Variants in BTAF1 observed in about 807,000 individuals in gnomAD.
BTAF1 encodes B-TFIID TATA-box binding protein associated factor 1.
BTAF1 carries 38 observed loss-of-function variants against 227.1 expected under a neutral mutation model. The observed-to-expected ratio is 0.17, with a 90% confidence interval of 0.13 to 0.22. The LOEUF (loss-of-function observed/expected upper bound fraction) is 0.22, where lower values mean the gene tolerates loss of function less well. Among genes scored for constraint, BTAF1 ranks in the 10% least tolerant of loss-of-function variants. The pLI, the probability that BTAF1 is intolerant of heterozygous loss-of-function variation, is 1.00. For synonymous variants in BTAF1, 742 were observed against 751.9 expected (o/e 0.99, Z 0.21); for missense variants, 1,598 against 2,204.0 (o/e 0.73, Z 5.51).
chr10:92,013,856 T>G, intron 31 of BTAF1, 43 bp from the exon 32 acceptor site: 1 of 1,612,800 alleles, frequency 6.2e-7, no homozygotes, highest in Non-Finnish European at 8.5e-7. Context: ...ATATAATTTA[T>G]TCTTAACTTT....
chr10:91,960,197 C>G (rs779996775), intron 11 of BTAF1, 43 bp downstream of exon 11: 1 of 1,583,058 alleles, frequency 6.3e-7, no homozygotes, highest in South Asian at 1.1e-5. Flanking sequence ...AGAGTTTTTT[C>G]CCCCTTATAG....
chr10:91,925,902 G>C (rs997702987), intron 1 of BTAF1, among the ~76,000 whole-genome samples: 3 of 152,152 alleles, frequency 2.0e-5, no homozygotes, highest in Non-Finnish European at 4.4e-5. Flanking sequence ...TGGATGTTGT[G>C]TTTCAAAGAG....
chr10:91,948,866 C>T (rs1019578792), intron 4 of BTAF1, among the ~76,000 whole-genome samples: 2 of 152,136 alleles, frequency 1.3e-5, no homozygotes, highest in African/African-American at 4.8e-5. Flanking sequence ...CTGCCTCGGC[C>T]TCCCAGACGG....
At chr10:92,010,143 T>C (rs995222802) in intron 28 of BTAF1, among the ~76,000 whole-genome samples, 5 of 152,164 alleles carry the variant, frequency 3.3e-5, no homozygotes, top group Non-Finnish European at 7.3e-5. Context: ...ACAGTCACTT[T>C]ATGAGGTAGG....
intron 1 of BTAF1, among the ~76,000 whole-genome samples, chr10:91,927,642 A>G (rs574167866): frequency 2.6e-5 from 4 of 152,248 alleles, no homozygotes; most frequent in Admixed American, 2.6e-4. Flanking sequence ...TGAATGAATG[A>G]TTTTGCTTCT....
chr10:92,026,892 T>C (rs1851553010), intron 36 of BTAF1, 141 bp downstream of exon 36: 1 of 1,016,162 alleles, frequency 9.8e-7, no homozygotes, highest in African/African-American at 1.6e-5. Flanking sequence ...TTAACTCTTC[T>C]GTGGTATCAC....
intron 4 of BTAF1, among the ~76,000 whole-genome samples, chr10:91,949,888 C>T (rs914756126): frequency 6.6e-6 from 1 of 152,088 alleles, no homozygotes; most frequent in African/African-American, 2.4e-5. Flanking sequence ...GTAATCCCAG[C>T]GCTTTGGTAG....
chr10:92,027,480 A>ATT (rs11368442), intron 37 of BTAF1, among the ~76,000 whole-genome samples, 180 bp downstream of exon 37: 25 of 149,402 alleles, frequency 1.7e-4, no homozygotes, highest in Admixed American at 4.0e-4. Context: ...TGAAGTTTTG[A>ATT]TTTTTTTTTT....
chr10:91,947,757 A>C (rs905516758), intron 4 of BTAF1, among the ~76,000 whole-genome samples: 1 of 141,774 alleles, frequency 7.1e-6, no homozygotes, highest in Non-Finnish European at 1.5e-5. Flanking sequence ...AAAAAAAAAA[A>C]GCCAGCTGGG....
chr10:92,012,758 G>A (rs1850456956), intron 30 of BTAF1, among the ~76,000 whole-genome samples: 1 of 106,270 alleles, frequency 9.4e-6, no homozygotes, highest in South Asian at 3.9e-4. Context: ...GTGACAGAGT[G>A]AGACTCTGTC....
intron 14 of BTAF1, among the ~76,000 whole-genome samples, chr10:91,978,631 AAC>A (rs1227508716): frequency 6.6e-6 from 1 of 152,042 alleles, no homozygotes; most frequent in Non-Finnish European, 1.5e-5. Context: ...TTCTCTTAAA[AAC>A]ACTGTATTTA....
chr10:91,994,423 T>C (rs1849002329), intron 22 of BTAF1, 112 bp from the exon 23 acceptor site: 3 of 663,800 alleles, frequency 4.5e-6, no homozygotes, highest in Non-Finnish European at 7.5e-6. Flanking sequence ...ATTTTAACAC[T>C]AAGAAGCAAA....
Position 91,942,624 on chromosome 10 carries a change from C to T in BTAF1, c.400+56C>T, listed in dbSNP as rs1589764115. ...AATTTGTTTTTTCAGACTAATTTGTCACTGTGGTATGCTGTTCATTAGTCA... is the reference window on the plus strand; with the variant it reads ...AATTTGTTTTTTCAGACTAATTTGTTACTGTGGTATGCTGTTCATTAGTCA... On this transcript the variant is annotated intron_variant, in intron 4 of 37. Transcript: ENST00000265990. The T allele has an allele frequency of 3.2e-6, 5 of 1,568,960 alleles. No homozygotes were observed. The East Asian group carries it at 1.1e-4, about 35-fold the overall frequency.
At chr10:92,023,450 G>A (rs986625468) in intron 34 of BTAF1, among the ~76,000 whole-genome samples, 13 of 152,152 alleles carry the variant, frequency 8.5e-5, no homozygotes, top group African/African-American at 2.4e-5. Flanking sequence ...CACTTTGGGA[G>A]ACTGAGGCAG....
In BTAF1 at chr10:92,011,412, C is replaced by G; in HGVS notation, c.4308C>G (p.Ile1436Met). ...GGATTATTCTTTCTGGAACACCAAT[C>G]CAGGTAATTATTTATTATTATTTTT... The part of the protein sequence containing the change: ...NYRIILSGTP[I>M]QNNVLELWSL... Residue 1436 changes from isoleucine to methionine, a missense_variant, in exon 30 of 38, where the codon ATC (isoleucine) becomes ATG (methionine). Coordinates refer to ENST00000265990, the MANE Select transcript of BTAF1 (RefSeq NM_003972.3). The G allele has an allele frequency of 1.5e-6, 2 of 1,318,982 alleles. No homozygotes were observed. Among genetic ancestry groups the G allele is most frequent in the Non-Finnish European group, 2.0e-6 (2 of 1,003,804 alleles). 81.7% of individuals were successfully genotyped at this position (1,318,982 alleles called of 1,614,324 possible). A position where few individuals can be genotyped will look rare whatever the true frequency, so the allele number is the denominator to read the frequency against.
In BTAF1 at chr10:91,930,045, A is replaced by G. The variant is rs368400696; in HGVS notation, c.15-5612A>G. On this transcript the variant is annotated intron_variant, in intron 1 of 37. Transcript: ENST00000265990. ...TCTTTGGCGTATTTCTCAAGGTACT[A>G]GTTTGAATTATTATTTTAAAAATTT... Among the ~76,000 whole-genome samples the G allele has an allele frequency of 5.9e-5, 9 of 152,266 alleles. No homozygotes were observed. The East Asian group carries it at 9.6e-4, about 16-fold the overall frequency.
chr10:91,942,401 A>G, intron 3 of BTAF1, 21 bp from the exon 4 acceptor site: 1 of 1,608,742 alleles, frequency 6.2e-7, no homozygotes, highest in Non-Finnish European at 8.5e-7. Context: ...GGTCAAATTA[A>G]TATTTTTAAA....
chr10:91,982,845 T>TTGTAATACAACTATTTACAACA, intron 18 of BTAF1, 84 bp downstream of exon 18: 4 of 1,360,846 alleles, frequency 2.9e-6, no homozygotes, highest in African/African-American at 1.5e-5. Flanking sequence ...AACAGAAAAG[T>TTGTAATACAACTATTTACAACA]GAAAATTTTC....
chr10:92,005,508 T>A (rs773694907), intron 25 of BTAF1, among the ~76,000 whole-genome samples: 3 of 152,176 alleles, frequency 2.0e-5, no homozygotes, highest in Non-Finnish European at 4.4e-5. Flanking sequence ...TTCATTAATG[T>A]TCTATAGCTT....
Sources: allele counts gnomAD v4.1 joint callset (sites outside exome capture counted in the v4.1 genomes callset), GRCh38; gene constraint gnomAD v4.1.1; transcripts MANE v1.5; gene names NCBI Gene and HGNC (gene_info 2026-07-23, HGNC 2026-07-21).